The following CDKL2 variants were observed in gnomAD, a reference collection of about 807,000 sequenced individuals.
CDKL2 encodes the protein cyclin-dependent kinase-like 2.
Under a neutral mutation model 63.9 loss-of-function variants are expected in CDKL2, and 64 were observed. The ratio of observed to expected loss-of-function variants is 1.00; its 90% confidence interval spans 0.82 to 1.23. The LOEUF (loss-of-function observed/expected upper bound fraction) is 1.23, where lower values mean the gene tolerates loss of function less well. Among genes scored for constraint, CDKL2 ranks in the 50% most tolerant of loss-of-function variants. The probability of loss-of-function intolerance (pLI) is 0.00; values close to 1 mark genes in which losing one functional copy is unlikely to be tolerated. For synonymous variants in CDKL2, 211 were observed against 229.2 expected, an observed-to-expected ratio of 0.92 and a Z score of 0.72; for missense variants, 656 against 668.0, an observed-to-expected ratio of 0.98 and a Z score of 0.20.
At chr4:75,580,697 T>TC (rs1728222705) in intron 13 of CDKL2, among the ~76,000 whole-genome samples, 6 of 143,818 alleles carry the variant, frequency 4.2e-5, no homozygotes, top group Admixed American at 4.2e-4. Context: ...GTTTTGGCTT[T>TC]TTTTTTTTTT....
chr4:75,608,314 G>A (rs1481177575), intron 3 of CDKL2, among the ~76,000 whole-genome samples: 1 of 150,786 alleles, frequency 6.6e-6, no homozygotes, highest in African/African-American at 2.4e-5. Flanking sequence ...TAGTAGAGAC[G>A]GGGTTTCACC....
rs750133894 is a variant in CDKL2 at position 75,607,335 on chromosome 4, C to T, written c.390G>A (p.Glu130=). The T allele has an allele frequency of 8.1e-6, 13 of 1,613,692 alleles. No individual in the cohort carries two copies. The Admixed American group carries it at 1.5e-4, about 19-fold the overall frequency. Residue 130 remains glutamate, a synonymous_variant, in exon 4 of 14, where the codon GAG becomes GAA. Transcript: ENST00000307465. ...CGCCAGACTGGGAGACTAATATATTCTCTGGCTTTATATCTCTGTGTATGA... is the reference window on the plus strand; with the variant it reads ...CGCCAGACTGGGAGACTAATATATTTTCTGGCTTTATATCTCTGTGTATGA... ...HNIIHRDIKP[E]NILVSQSGVV...
rs2148851289 is a variant in CDKL2, at chr4:75,577,954, T to C, written c.*1248A>G. 1 of 145,368 alleles carries C rather than the reference T, an allele frequency of 6.9e-6. No individual in the cohort carries two copies. Among genetic ancestry groups the C allele is most frequent in the East Asian group, 2.1e-4 (1 of 4,812 alleles). 9.0% of individuals were successfully genotyped at this position (145,368 alleles called of 1,614,324 possible). On this transcript the variant is annotated 3_prime_UTR_variant, in exon 14 of 14. Coordinates refer to ENST00000307465, the MANE Select transcript of CDKL2 (RefSeq NM_001330724.2). ...AATTCTTCAGCTAAGTTCTAGTCAA[T>C]GGCTTTGGAAAAAAAGCAACACACT... is the stretch of plus-strand genomic sequence containing the variant.
At chr4:75,610,972 A>G (rs1729662632) in intron 3 of CDKL2, among the ~76,000 whole-genome samples, 1 of 152,354 alleles carries the variant, frequency 6.6e-6, no homozygotes, top group South Asian at 2.1e-4. Flanking sequence ...ATAATAGCTG[A>G]CACTTGAATA....
Position 75,578,223 on chromosome 4 carries a change from G to A in CDKL2, c.*979C>T, listed in dbSNP as rs1728112258. The A allele has an allele frequency of 6.6e-6, 1 of 152,156 alleles. No homozygotes were observed. Among genetic ancestry groups the A allele is most frequent in the South Asian group, 2.1e-4 (1 of 4,832 alleles). 9.4% of individuals were successfully genotyped at this position (152,156 alleles called of 1,614,324 possible). A position where few individuals can be genotyped will look rare whatever the true frequency, so the allele number is the denominator to read the frequency against. On this transcript the variant is annotated 3_prime_UTR_variant, in exon 14 of 14. Transcript: ENST00000307465. The stretch of plus-strand genomic sequence containing the variant: ...TTTTGAGACGGCCTGAGTGTTTGAG[G>A]CCACAAGGAGACAGGAACTTCTCTG...
rs12233745 is a variant in CDKL2 at position 75,615,833 on chromosome 4, T to A, written c.169-1384A>T. 1.8e-3 allele frequency among the ~76,000 whole-genome samples: 278 copies of A among 151,756 alleles called. 4 individuals are homozygous for A. The East Asian group carries it at 0.047, about 26-fold the overall frequency. On this transcript the variant is annotated intron_variant, in intron 2 of 13. Transcript: ENST00000307465. ...GGTGAGACCCCATCTCTACAAAAAA[T>A]TTTAAAAATTAGCCTGGTGTGGTTG...
At chr4:75,591,967 T>C in intron 11 of CDKL2, 42 bp from the exon 12 acceptor site, 1 of 1,472,034 alleles carries the variant, frequency 6.8e-7, no homozygotes, top group Non-Finnish European at 9.2e-7. Context: ...ATATTAGACA[T>C]TTTGTTAGTT....
intron 3 of CDKL2, among the ~76,000 whole-genome samples, chr4:75,611,954 A>G (rs936281266): frequency 6.7e-6 from 1 of 149,888 alleles, no homozygotes; most frequent in Admixed American, 6.7e-5. Flanking sequence ...GTGCCTGGAG[A>G]AACACTAGAT....
rs1553926553 is a variant in CDKL2, at chr4:75,578,011, A to AAC, written c.*1190_*1191insGT. ...TAGTTAAGGCAAAAAAAAAAAAAAA[A>AAC]CTCACAAATTCTGGTTCCCTAAACA... On this transcript the variant is annotated 3_prime_UTR_variant, in exon 14 of 14. Transcript: ENST00000307465. 2.0e-4 allele frequency: 30 copies of AAC among 151,520 alleles called. No homozygotes were observed. Among genetic ancestry groups the AAC allele is most frequent in the Non-Finnish European group, 3.1e-4 (21 of 67,794 alleles). 9.4% of individuals were successfully genotyped at this position (151,520 alleles called of 1,614,324 possible).
chr4:75,609,979 G>A (rs1729613719), intron 3 of CDKL2, among the ~76,000 whole-genome samples: 1 of 151,708 alleles, frequency 6.6e-6, no homozygotes, highest in Admixed American at 6.6e-5. Flanking sequence ...CGAGGCGGGT[G>A]GATCACGAGG....
chr4:75,589,027 A>C (rs890948561), intron 12 of CDKL2, among the ~76,000 whole-genome samples: 1 of 152,234 alleles, frequency 6.6e-6, no homozygotes, highest in African/African-American at 2.4e-5. Flanking sequence ...ACAACCATTA[A>C]AAATGGGCAA....
At chr4:75,589,152 A>G (rs978941257) in intron 12 of CDKL2, among the ~76,000 whole-genome samples, 3 of 152,140 alleles carry the variant, frequency 2.0e-5, no homozygotes, top group African/African-American at 7.2e-5. Context: ...TAAAACCACA[A>G]TGAGATGCCA....
intron 6 of CDKL2, among the ~76,000 whole-genome samples, chr4:75,601,670 C>T (rs142275909): frequency 4.6e-4 from 70 of 152,166 alleles, no homozygotes; most frequent in African/African-American, 1.7e-3. Flanking sequence ...TATATGATTC[C>T]TTAAGGTATG....
chr4:75,597,293 C>T, intron 8 of CDKL2, 57 bp from the exon 9 acceptor site: 2 of 1,113,228 alleles, frequency 1.8e-6, no homozygotes, highest in Non-Finnish European at 2.6e-6. Context: ...TGAAAATTTA[C>T]CTCTTCTTAT....
At chr4:75,599,582 T>C (rs1323226639) in intron 7 of CDKL2, among the ~76,000 whole-genome samples, 3 of 141,316 alleles carry the variant, frequency 2.1e-5, no homozygotes, top group Non-Finnish European at 3.0e-5. Context: ...AAACTACCAC[T>C]GTCAAGTTTT....
chr4:75,628,117 ATTTT>A (rs759097598), intron 1 of CDKL2, among the ~76,000 whole-genome samples: 2 of 140,830 alleles, frequency 1.4e-5, no homozygotes. Context: ...TGTGTTTGAA[ATTTT>A]TTTTTTTTTT....
At chr4:75,586,196 G>A (rs1728471943) in intron 12 of CDKL2, among the ~76,000 whole-genome samples, 2 of 150,926 alleles carry the variant, frequency 1.3e-5, no homozygotes. Context: ...GAAATTACAA[G>A]GGAAATTAGA....
chr4:75,605,756 T>A, intron 4 of CDKL2, 122 bp from the exon 5 acceptor site: 1 of 632,608 alleles, frequency 1.6e-6, no homozygotes, highest in Non-Finnish European at 2.8e-6. Flanking sequence ...GATTTCAGAT[T>A]CTCAGATTTG....
At chr4:75,586,960 G>A (rs970550503) in intron 12 of CDKL2, among the ~76,000 whole-genome samples, 4 of 152,046 alleles carry the variant, frequency 2.6e-5, no homozygotes, top group Admixed American at 6.5e-5. Context: ...GTAAGTAAAA[G>A]GGGAAAACTA....
Sources: allele counts gnomAD v4.1 joint callset (sites outside exome capture counted in the v4.1 genomes callset), GRCh38; gene constraint gnomAD v4.1.1; transcripts MANE v1.5; gene names NCBI Gene and HGNC (gene_info 2026-07-23, HGNC 2026-07-21).